The following RALYL variants were observed in gnomAD, a reference collection of about 807,000 sequenced individuals.
RALYL encodes RALY RNA binding protein like.
A neutral mutation model predicts 35.1 loss-of-function variants in RALYL; 29 were observed. The ratio of observed to expected loss-of-function variants is 0.83; its 90% CI spans 0.61 to 1.13. The LOEUF is 1.13. Among genes scored for constraint, RALYL ranks in the 50% most tolerant of loss-of-function variants. The pLI, the probability that RALYL is intolerant of heterozygous loss-of-function variation, is 0.00. For synonymous variants in RALYL, 120 were observed against 127.6 expected, an observed-to-expected ratio of 0.94 and a Z score of 0.40; for missense variants, 359 against 360.4, an observed-to-expected ratio of 1.00 and a Z score of 0.03.
At chr8:84,452,591 GT>G (rs2049622697) in intron 1 of RALYL, among the ~76,000 whole-genome samples, 1 of 151,922 alleles carries the variant, frequency 6.6e-6, no homozygotes, top group African/African-American at 2.4e-5. Flanking sequence ...CCAACAGGTA[GT>G]ACTCTTTAGA....
intron 2 of RALYL, among the ~76,000 whole-genome samples, chr8:84,649,249 T>C (rs1828165534): frequency 6.6e-6 from 1 of 152,116 alleles, no homozygotes; most frequent in Admixed American, 6.6e-5. Flanking sequence ...ACTCTGATGG[T>C]AGTTTCTTTT....
chr8:84,326,733 C>T (rs1845870288), intron 1 of RALYL, among the ~76,000 whole-genome samples: 1 of 151,998 alleles, frequency 6.6e-6, no homozygotes, highest in African/African-American at 2.4e-5. Context: ...TTATATGTGA[C>T]AGATATCAAA....
intron 3 of RALYL, among the ~76,000 whole-genome samples, chr8:84,778,654 T>C (rs911143712): frequency 6.6e-6 from 1 of 152,172 alleles, no homozygotes; most frequent in Non-Finnish European, 1.5e-5. Flanking sequence ...GCTAGGATAG[T>C]CTACCTTGTG....
chr8:84,217,330 A>G (rs1417317789), intron 1 of RALYL, among the ~76,000 whole-genome samples: 1 of 152,144 alleles, frequency 6.6e-6, no homozygotes, highest in Non-Finnish European at 1.5e-5. Flanking sequence ...GATTTCCAAA[A>G]TAAAAATTGT....
At chr8:84,523,784 C>T (rs986162099) in intron 1 of RALYL, among the ~76,000 whole-genome samples, 6 of 151,030 alleles carry the variant, frequency 4.0e-5, no homozygotes, top group Non-Finnish European at 7.4e-5. Flanking sequence ...TTTGTTCTTG[C>T]GATAGTTTAC....
intron 1 of RALYL, among the ~76,000 whole-genome samples, chr8:84,435,054 A>G (rs1000874012): frequency 2.0e-5 from 3 of 152,202 alleles, no homozygotes; most frequent in African/African-American, 7.2e-5. Context: ...TTTAGATGGA[A>G]GGAGAATGCA....
Position 84,658,645 on chromosome 8 carries a change from C to T in RALYL, c.257-115934C>T, listed in dbSNP as rs186842118. On this transcript the variant is annotated intron_variant, in intron 2 of 8. Transcript: ENST00000521268. ...TGAGTGGAAAACTGACAATCCAGAG[C>T]TGATGGTCTCTCTGCTTGGAGATGA... 1.2e-3 allele frequency among the ~76,000 whole-genome samples: 181 copies of T among 152,076 alleles called. 1 individual carries two copies. The highest frequency in any genetic ancestry group is 4.1e-3 in the African/African-American group (170 of 41,500).
At chr8:84,472,296 T>C (rs1481485599) in intron 1 of RALYL, among the ~76,000 whole-genome samples, 2 of 152,140 alleles carry the variant, frequency 1.3e-5, no homozygotes, top group Non-Finnish European at 2.9e-5. Context: ...GAGATAGGTA[T>C]ATGAATTTTT....
At chr8:84,679,988 C>T (rs1398072860) in intron 2 of RALYL, 4 of 216,424 alleles carry the variant, frequency 1.8e-5, no homozygotes, top group Admixed American at 5.0e-5. Context: ...TCTCCTAATG[C>T]TATCCCTCCC....
intron 3 of RALYL, 65 bp from the exon 4 acceptor site, chr8:84,804,705 A>G (rs1474387008): frequency 7.1e-6 from 6 of 848,776 alleles, no homozygotes; most frequent in Non-Finnish European, 6.5e-6. Context: ...AGGTTCATGT[A>G]AAAGCAATTT....
At chr8:84,508,254 A>T (rs187679534) in intron 1 of RALYL, among the ~76,000 whole-genome samples, 2 of 152,274 alleles carry the variant, frequency 1.3e-5, no homozygotes, top group East Asian at 3.9e-4. Flanking sequence ...ATCCCCCTCA[A>T]GTGCTTGAGA....
At chr8:84,430,028 G>T (rs2046973409) in intron 1 of RALYL, among the ~76,000 whole-genome samples, 1 of 151,500 alleles carries the variant, frequency 6.6e-6, no homozygotes, top group African/African-American at 2.4e-5. Context: ...AAAAAAAAGA[G>T]TTCCATTTTT....
chr8:84,672,422 C>A (rs114298059), intron 2 of RALYL, among the ~76,000 whole-genome samples: 1 of 152,182 alleles, frequency 6.6e-6, no homozygotes, highest in South Asian at 2.1e-4. Flanking sequence ...TCTGAGTCCT[C>A]CAACTGTTCC....
chr8:84,807,035 C>T (rs1824808628), intron 4 of RALYL, among the ~76,000 whole-genome samples: 1 of 152,048 alleles, frequency 6.6e-6, no homozygotes, highest in Non-Finnish European at 1.5e-5. Flanking sequence ...ATGTATGTAG[C>T]TCTCTGCTGC....
intron 1 of RALYL, among the ~76,000 whole-genome samples, chr8:84,425,438 C>T (rs1004979909): frequency 1.4e-4 from 22 of 152,326 alleles, no homozygotes; most frequent in South Asian, 1.2e-3. Context: ...CACTGGCCTG[C>T]GCCCACTGTC....
chr8:84,337,946 G>A (rs1039795272), intron 1 of RALYL, among the ~76,000 whole-genome samples: 6 of 151,944 alleles, frequency 3.9e-5, no homozygotes, highest in African/African-American at 1.5e-4. Flanking sequence ...ATCATTCTGG[G>A]TACCATAATA....
intron 8 of RALYL, among the ~76,000 whole-genome samples, chr8:84,897,867 T>C (rs1845008306): frequency 6.6e-6 from 1 of 152,178 alleles, no homozygotes; most frequent in African/African-American, 2.4e-5. Flanking sequence ...GAAGAGAAGA[T>C]GTTGCAACCA....
At position 84,183,993 on chromosome 8, in the gene RALYL, A is replaced by G. The variant is rs1811860621; in HGVS notation, c.-455A>G. The G allele has an allele frequency of 1.3e-5, 2 of 152,166 alleles. No individual in the cohort carries two copies. The highest frequency in any genetic ancestry group is 4.8e-5 in the African/African-American group (2 of 41,452). 9.4% of individuals were successfully genotyped at this position (152,166 alleles called of 1,614,324 possible). A position where few individuals can be genotyped will look rare whatever the true frequency, so the allele number is the denominator to read the frequency against. ...GTGGGATTTTACGGCAGTGTTTACA[A>G]GTTTGTGGTCTTGCAATACTGGTGC... On this transcript the variant is annotated 5_prime_UTR_variant, in exon 1 of 9. Coordinates refer to ENST00000521268, the MANE Select transcript of RALYL (RefSeq NM_173848.7).
chr8:84,404,306 GT>G (rs746250077), intron 1 of RALYL, among the ~76,000 whole-genome samples: 7 of 152,038 alleles, frequency 4.6e-5, no homozygotes, highest in South Asian at 2.1e-4. Context: ...TTGGCTGTGG[GT>G]TTGTCATAAA....
Sources: allele counts gnomAD v4.1 joint callset (sites outside exome capture counted in the v4.1 genomes callset), GRCh38; gene constraint gnomAD v4.1.1; transcripts MANE v1.5; gene names NCBI Gene and HGNC (gene_info 2026-07-23, HGNC 2026-07-21).